TSHZ2: variants seen among roughly 807,000 people sequenced by gnomAD.
TSHZ2 encodes teashirt homolog 2.
TSHZ2 carries 21 observed loss-of-function variants against 74.4 expected under a neutral mutation model. The observed-to-expected ratio is 0.28, with a 90% CI of 0.20 to 0.41. The LOEUF (loss-of-function observed/expected upper bound fraction) is 0.41. Ranked by LOEUF, TSHZ2 falls within the 10% of genes least tolerant of loss-of-function variation. The pLI, the probability that TSHZ2 is intolerant of heterozygous loss-of-function variation, is 1.00. For missense variants in TSHZ2, 1,244 were observed against 1,293.5 expected (o/e 0.96, Z 0.59); for synonymous variants, 540 against 515.3 (o/e 1.05, Z -0.65).
chr20:53,251,231 G>A (rs997256696), intron 1 of TSHZ2, among the ~76,000 whole-genome samples: 82 of 152,294 alleles, frequency 5.4e-4, no homozygotes, highest in African/African-American at 1.3e-3. Context: ...TTGACCCAGC[G>A]TATGTTCCAG....
intron 2 of TSHZ2, among the ~76,000 whole-genome samples, chr20:53,439,183 G>A (rs952535856): frequency 6.6e-6 from 1 of 152,072 alleles, no homozygotes; most frequent in African/African-American, 2.4e-5. Context: ...GACACTCACA[G>A]TTATACTGTA....
intron 1 of TSHZ2, among the ~76,000 whole-genome samples, chr20:52,986,367 G>A (rs1981757457): frequency 7.0e-6 from 1 of 143,190 alleles, no homozygotes; most frequent in South Asian, 2.2e-4. Context: ...TTATGCCACT[G>A]CACTCCAGCC....
chr20:53,015,967 C>T (rs569748133), intron 1 of TSHZ2, among the ~76,000 whole-genome samples: 16 of 152,182 alleles, frequency 1.1e-4, no homozygotes, highest in African/African-American at 3.4e-4. Context: ...ATAAAAATCC[C>T]GATTTAATGA....
chr20:52,990,615 G>T (rs1292099069), intron 1 of TSHZ2, among the ~76,000 whole-genome samples: 8 of 152,176 alleles, frequency 5.3e-5, no homozygotes, highest in African/African-American at 9.7e-5. Context: ...TGTGTGGATG[G>T]GGTCGGGTCA....
At chr20:53,116,600 T>C (rs981776977) in intron 1 of TSHZ2, among the ~76,000 whole-genome samples, 13 of 152,184 alleles carry the variant, frequency 8.5e-5, no homozygotes, top group Admixed American at 5.2e-4. Flanking sequence ...GTGTGAATAG[T>C]GTCCCCTGCA....
At chr20:53,121,137 C>A (rs1986798623) in intron 1 of TSHZ2, among the ~76,000 whole-genome samples, 1 of 152,128 alleles carries the variant, frequency 6.6e-6, no homozygotes, top group Non-Finnish European at 1.5e-5. Flanking sequence ...ATGCTTCAGA[C>A]AGACAAAATC....
chr20:53,050,103 G>GTATATATATATATATATATA lies in TSHZ2; in HGVS notation c.40+76773_40+76792dup, dbSNP rs71897861. Among the ~76,000 whole-genome samples, 449 of 115,640 alleles carry GTATATATATATATATATATA rather than the reference G, an allele frequency of 3.9e-3. 1 individual carries two copies. The highest frequency in any genetic ancestry group is 8.6e-3 in the African/African-American group (221 of 25,586). 75.9% of individuals were successfully genotyped at this position (115,640 alleles called of 152,430 possible). ...CTCAAAAAAAAAAATGTATATGTGT[G>GTATATATATATATATATATA]TATATATATATATATATATATACAC... is the stretch of plus-strand genomic sequence containing the variant. On this transcript the variant is annotated intron_variant, in intron 1 of 2. Coordinates refer to ENST00000371497, the MANE Select transcript of TSHZ2 (RefSeq NM_173485.6).
intron 2 of TSHZ2, among the ~76,000 whole-genome samples, chr20:53,429,180 G>A (rs908843235): frequency 4.6e-5 from 7 of 152,126 alleles, no homozygotes; most frequent in African/African-American, 1.4e-4. Flanking sequence ...GCCTTTACGG[G>A]ACTTGATAAG....
chr20:53,425,812 TC>T (rs374330309), intron 2 of TSHZ2, among the ~76,000 whole-genome samples: 4,357 of 151,246 alleles, frequency 0.029, 205 homozygotes, highest in African/African-American at 0.1. Flanking sequence ...TTTTTTTTTT[TC>T]TCACCATCTA....
At position 53,119,371 on chromosome 20, in the gene TSHZ2, T is replaced by G. The variant is rs568086570; in HGVS notation, c.41-134128T>G. On this transcript the variant is annotated intron_variant, in intron 1 of 2. Coordinates refer to ENST00000371497, the MANE Select transcript of TSHZ2 (RefSeq NM_173485.6). ...ATTTGTTGCCAGTTGTCATCAAACT[T>G]AAGCAAATAGGGACGAGACACAACT... is the stretch of plus-strand genomic sequence containing the variant. Among the ~76,000 whole-genome samples the G allele has an allele frequency of 2.6e-5, 4 of 152,330 alleles. 1 individual carries two copies. The South Asian group carries it at 8.3e-4, about 32-fold the overall frequency.
At chr20:53,197,549 T>C (rs1421185723) in intron 1 of TSHZ2, among the ~76,000 whole-genome samples, 2 of 152,190 alleles carry the variant, frequency 1.3e-5, no homozygotes, top group African/African-American at 4.8e-5. Context: ...GTATTCACAC[T>C]GTGGGAAATG....
At chr20:53,097,039 G>T (rs1986075408) in intron 1 of TSHZ2, among the ~76,000 whole-genome samples, 1 of 152,154 alleles carries the variant, frequency 6.6e-6, no homozygotes, top group South Asian at 2.1e-4. Context: ...GGACTGTCCT[G>T]TGTGTGGTAG....
intron 2 of TSHZ2, among the ~76,000 whole-genome samples, chr20:53,306,966 T>G (rs892302496): frequency 2.0e-5 from 3 of 152,198 alleles, no homozygotes; most frequent in Admixed American, 6.5e-5. Flanking sequence ...TTCTAAGAAG[T>G]AGGTATAATT....
chr20:53,393,130 A>G (rs994570120), intron 2 of TSHZ2, among the ~76,000 whole-genome samples: 1 of 151,950 alleles, frequency 6.6e-6, no homozygotes, highest in Non-Finnish European at 1.5e-5. Context: ...ACCTGGCCCA[A>G]TAGGTAGTTT....
chr20:53,439,080 T>C (rs572863642), intron 2 of TSHZ2, among the ~76,000 whole-genome samples: 1 of 152,352 alleles, frequency 6.6e-6, no homozygotes, highest in African/African-American at 2.4e-5. Flanking sequence ...TTGTTCATCA[T>C]AAAGTACATG....
chr20:53,361,459 A>G (rs1354977714), intron 2 of TSHZ2, among the ~76,000 whole-genome samples: 1 of 152,246 alleles, frequency 6.6e-6, no homozygotes, highest in Non-Finnish European at 1.5e-5. Flanking sequence ...AGATCTGGCC[A>G]CAAAATCAGA....
intron 1 of TSHZ2, among the ~76,000 whole-genome samples, chr20:53,037,538 G>T (rs1264716008): frequency 6.6e-6 from 1 of 152,124 alleles, no homozygotes; most frequent in Non-Finnish European, 1.5e-5. Context: ...CTCTAATTAA[G>T]TATTTCTGTA....
At chr20:53,353,758 T>A (rs1221629361) in intron 2 of TSHZ2, among the ~76,000 whole-genome samples, 1 of 152,248 alleles carries the variant, frequency 6.6e-6, no homozygotes, top group Non-Finnish European at 1.5e-5. Context: ...TCATTCAGTT[T>A]ATCTCAGATT....
chr20:53,346,564 G>C (rs1261398650), intron 2 of TSHZ2, among the ~76,000 whole-genome samples: 1 of 152,128 alleles, frequency 6.6e-6, no homozygotes, highest in Admixed American at 6.5e-5. Context: ...ACTTCTCTAG[G>C]GCTATTCGAA....
Sources: allele counts gnomAD v4.1 joint callset (sites outside exome capture counted in the v4.1 genomes callset), GRCh38; gene constraint gnomAD v4.1.1; transcripts MANE v1.5; gene names NCBI Gene and HGNC (gene_info 2026-07-23, HGNC 2026-07-21).